SVOP: variants seen among roughly 807,000 people sequenced by gnomAD.
SVOP encodes SV2 related protein, also known as synaptic vesicle 2-related protein.
In SVOP, 17 loss-of-function variants were observed where a neutral mutation model predicts 69.1. The ratio of observed to expected loss-of-function variants is 0.25; its 90% CI spans 0.17 to 0.37. The LOEUF (loss-of-function observed/expected upper bound fraction) is 0.37, where lower values mean the gene tolerates loss of function less well. Among genes scored for constraint, SVOP ranks in the 10% least tolerant of loss-of-function variants. The probability of loss-of-function intolerance (pLI) is 1.00; values close to 1 mark genes in which losing one functional copy is unlikely to be tolerated. For missense variants in SVOP, 435 were observed against 597.5 expected (o/e 0.73, Z 2.84); for synonymous variants, 238 against 238.6 (o/e 1.00, Z 0.02).
intron 13 of SVOP, among the ~76,000 whole-genome samples, chr12:108,919,388 T>C (rs1266677394): frequency 1.5e-5 from 2 of 134,108 alleles, no homozygotes; most frequent in African/African-American, 5.7e-5. Flanking sequence ...CCTGGGCCTA[T>C]ACCCACACCT....
chr12:108,996,923 C>A (rs1230268906), intron 1 of SVOP, among the ~76,000 whole-genome samples: 1 of 152,152 alleles, frequency 6.6e-6, no homozygotes, highest in Non-Finnish European at 1.5e-5. Context: ...CAGAACAAGA[C>A]CCTGTCTCAA....
chr12:108,930,695 A>C (rs577373689), intron 11 of SVOP, among the ~76,000 whole-genome samples: 2 of 152,128 alleles, frequency 1.3e-5, no homozygotes, highest in Non-Finnish European at 2.9e-5. Flanking sequence ...TCGGCTCCCA[A>C]AGTCCTGGGA....
At chr12:109,011,720 T>G (rs1055375808) in intron 1 of SVOP, among the ~76,000 whole-genome samples, 2 of 152,178 alleles carry the variant, frequency 1.3e-5, no homozygotes, top group Non-Finnish European at 2.9e-5. Flanking sequence ...CATCAAGAGA[T>G]GAATGGATCA....
intron 14 of SVOP, among the ~76,000 whole-genome samples, chr12:108,917,682 G>A (rs1170150952): frequency 1.4e-5 from 2 of 141,446 alleles, no homozygotes; most frequent in South Asian, 2.2e-4. Context: ...TTGCTCCATT[G>A]CCCAGGCTGG....
At chr12:109,013,391 C>T (rs1049716911) in intron 1 of SVOP, among the ~76,000 whole-genome samples, 1 of 150,184 alleles carries the variant, frequency 6.7e-6, no homozygotes, top group South Asian at 2.1e-4. Flanking sequence ...ACCGTCTTAA[C>T]CTTTTTTTTT....
intron 4 of SVOP, among the ~76,000 whole-genome samples, chr12:108,975,848 G>A (rs188804994): frequency 1.1e-3 from 168 of 151,986 alleles, no homozygotes; most frequent in Middle Eastern, 6.8e-3. Context: ...ATTACAGGAC[G>A]CGCCACCATG....
At chr12:108,933,379 A>T (rs1272934113) in intron 11 of SVOP, among the ~76,000 whole-genome samples, 3 of 150,664 alleles carry the variant, frequency 2.0e-5, no homozygotes, top group Non-Finnish European at 4.4e-5. Context: ...CTTGTCTCAA[A>T]AATAATAATA....
At position 108,983,770 on chromosome 12, in the gene SVOP, C is replaced by G; in HGVS notation, c.36-9G>C. ...GACGGAATTTCACAACCCTAGAGAACAGAACAAATCTGGTCAAGATGGCTA... is the reference window on the plus strand; with the variant it reads ...GACGGAATTTCACAACCCTAGAGAAGAGAACAAATCTGGTCAAGATGGCTA... On this transcript the variant is annotated splice_polypyrimidine_tract_variant and intron_variant, in intron 1 of 15. Transcript: ENST00000610966. The G allele has an allele frequency of 2.5e-6, 1 of 398,764 alleles. No homozygotes were observed. Among genetic ancestry groups the G allele is most frequent in the South Asian group, 1.3e-4 (1 of 7,866 alleles). The allele number at this position is 398,764 out of a possible 1,614,324, so 24.7% of individuals were successfully genotyped here.
chr12:108,916,120 G>T (rs1433198495), intron 14 of SVOP, among the ~76,000 whole-genome samples: 1 of 152,166 alleles, frequency 6.6e-6, no homozygotes, highest in Non-Finnish European at 1.5e-5. Flanking sequence ...CCTGGGGGGG[G>T]CTCCCCAAAG....
chr12:108,948,699 G>C (rs926556241), intron 6 of SVOP, among the ~76,000 whole-genome samples: 6 of 152,144 alleles, frequency 3.9e-5, no homozygotes, highest in African/African-American at 1.4e-4. Flanking sequence ...GGGTATGCCT[G>C]TTTTTATGAT....
At position 108,918,249 on chromosome 12, in the gene SVOP, T is replaced by C. The variant is rs147661364; in HGVS notation, c.1269-125A>G. On this transcript the variant is annotated intron_variant, in intron 13 of 15. Coordinates refer to ENST00000610966, the MANE Select transcript of SVOP (RefSeq NM_018711.5). ...AAAGGTTACCCCTCCCCGATGCTCATTGATACAGACATGCAGGCACACATA... is the reference window on the plus strand; with the variant it reads ...AAAGGTTACCCCTCCCCGATGCTCACTGATACAGACATGCAGGCACACATA... The C allele has an allele frequency of 5.4e-4, 339 of 623,878 alleles. 3 individuals are homozygous for C. In the African/African-American group the frequency reaches 5.7e-3, roughly 10 times the overall value. 38.6% of individuals were successfully genotyped at this position (623,878 alleles called of 1,614,324 possible). A position where few individuals can be genotyped will look rare whatever the true frequency, so the allele number is the denominator to read the frequency against.
At chr12:108,949,296 G>C (rs1458510547) in intron 6 of SVOP, among the ~76,000 whole-genome samples, 1 of 151,122 alleles carries the variant, frequency 6.6e-6, no homozygotes, top group Non-Finnish European at 1.5e-5. Context: ...CCCACACAGA[G>C]TCTCACTCTC....
intron 6 of SVOP, among the ~76,000 whole-genome samples, chr12:108,959,457 G>A (rs1303808471): frequency 6.7e-6 from 1 of 150,050 alleles, no homozygotes; most frequent in Non-Finnish European, 1.5e-5. Context: ...AGGTTCAAGC[G>A]ATTCTCCTGC....
At chr12:108,967,538 G>A (rs1314680964) in intron 5 of SVOP, among the ~76,000 whole-genome samples, 1 of 152,090 alleles carries the variant, frequency 6.6e-6, no homozygotes, top group African/African-American at 2.4e-5. Context: ...AGAAAGAAAT[G>A]AGGGCTGAGC....
rs1403135307 is a variant in SVOP at position 108,977,410 on chromosome 12, T to C, written c.369A>G (p.Ala123=). ...CEWRLPSWQV[A]LLTSVVFVGM... ...CTGGGCTGCCTACCGAGGTCAGCAA[T>C]GCCACCTGCCAGCTTGGGAGCCTCC... The change falls in exon 4 of 16, where the codon GCA becomes GCG. Residue 123 remains alanine, a synonymous_variant. Transcript: ENST00000610966. 6 of 1,537,138 alleles carry C rather than the reference T, an allele frequency of 3.9e-6. No individual in the cohort carries two copies. In the Admixed American group the frequency reaches 9.8e-5, roughly 25 times the overall value.
Position 108,940,851 on chromosome 12 carries a change from C to T in SVOP, c.701G>A (p.Ser234Asn). Residue 234 changes from serine to asparagine, a missense_variant, in exon 8 of 16, where the codon AGC becomes AAC. Coordinates refer to ENST00000610966, the MANE Select transcript of SVOP (RefSeq NM_018711.5). ...GATGAGCAGCCAACGCCAGCCCAGGCTGGGCATCACGAACACAGCCAGGAC... is the reference window on the plus strand; with the variant it reads ...GATGAGCAGCCAACGCCAGCCCAGGTTGGGCATCACGAACACAGCCAGGAC... Reference protein sequence around the residue: ...EVVLAVFVMPSLGWRWLLILS... With the variant: ...EVVLAVFVMPNLGWRWLLILS... 6.5e-7 allele frequency: 1 copy of T among 1,537,220 alleles called. No homozygotes were observed. Among genetic ancestry groups the T allele is most frequent in the East Asian group, 2.4e-5 (1 of 40,906 alleles).
intron 5 of SVOP, among the ~76,000 whole-genome samples, chr12:108,968,025 T>G (rs182227054): frequency 5.9e-5 from 9 of 152,228 alleles, no homozygotes; most frequent in Non-Finnish European, 1.0e-4. Context: ...CCAAGGGAAG[T>G]TGGGATCCTA....
intron 1 of SVOP, among the ~76,000 whole-genome samples, chr12:109,010,022 T>C (rs540710743): frequency 6.6e-6 from 1 of 151,558 alleles, no homozygotes; most frequent in East Asian, 2.0e-4. Flanking sequence ...CTTTGGAAAG[T>C]TGAGGCGGGA....
chr12:108,944,268 C>A (rs2039910166), intron 7 of SVOP, among the ~76,000 whole-genome samples: 1 of 152,008 alleles, frequency 6.6e-6, no homozygotes, highest in Admixed American at 6.6e-5. Context: ...GCCTCAAACT[C>A]CTGGCCTCAA....
Sources: gnomAD v4.1 joint callset for allele counts (sites outside exome capture counted in the v4.1 genomes callset) on GRCh38, gnomAD v4.1.1 for gene constraint, MANE v1.5 for transcripts, NCBI Gene and HGNC (gene_info 2026-07-23, HGNC 2026-07-21) for gene names.